The following MYH2 variants were observed in gnomAD, a reference collection of about 807,000 sequenced individuals.
MYH2 encodes myosin heavy chain 2.
A neutral mutation model predicts 228.1 loss-of-function variants in MYH2; 139 were observed. The observed-to-expected ratio is 0.61, with a 90% CI of 0.53 to 0.70. The LOEUF is 0.70. Among genes scored for constraint, MYH2 ranks in the 30% least tolerant of loss-of-function variants. The pLI, the probability that MYH2 is intolerant of heterozygous loss-of-function variation, is 0.00. For synonymous variants in MYH2, 796 were observed against 871.1 expected (o/e 0.91, Z 1.52); for missense variants, 1,809 against 2,357.5 (o/e 0.77, Z 4.82).
Position 10,537,964 on chromosome 17 carries a change from A to G in MYH2, c.1417-129T>C. 6.7e-7 allele frequency: 1 copy of G among 1,495,806 alleles called. No homozygotes were observed. The highest frequency in any genetic ancestry group is 2.0e-5 in the Admixed American group (1 of 50,030). 92.7% of individuals were successfully genotyped at this position (1,495,806 alleles called of 1,614,324 possible). A position where few individuals can be genotyped will look rare whatever the true frequency, so the allele number is the denominator to read the frequency against. On this transcript the variant is annotated intron_variant, in intron 14 of 39. Coordinates refer to ENST00000245503, the MANE Select transcript of MYH2 (RefSeq NM_017534.6). This position sits in a 1 kb window ranked among gnomAD's most constrained non-coding sequence, Gnocchi z 4.0. Reference sequence around the variant, plus strand: ...ACAGATATTAAAATCACTGGGTTAAAGAGACTTTGAAATAAAAGGTGAAAA... The same window carrying G: ...ACAGATATTAAAATCACTGGGTTAAGGAGACTTTGAAATAAAAGGTGAAAA...
chr17:10,547,736 A>T lies in MYH2; in HGVS notation c.185T>A (p.Val62Glu). 6.2e-7 allele frequency: 1 copy of T among 1,614,216 alleles called. No individual in the cohort carries two copies. The highest frequency in any genetic ancestry group is 8.5e-7 in the Non-Finnish European group (1 of 1,180,038). Residue 62 changes from valine (V) to glutamate (E), a missense_variant, in exon 3 of 40, where the codon GTG (valine) becomes GAG (glutamate). Physicochemically the swap from Val to Glu is moderately radical, Grantham distance 121 (BLOSUM62 -2). Coordinates refer to ENST00000245503, the MANE Select transcript of MYH2 (RefSeq NM_017534.6). ...IQSREGGKVT[V>E]KTEGGATLTV... is the part of the protein sequence containing the mutation. ...ACTCACCGCTCCTCCCTCAGTCTTC[A>T]CCGTCACTTTTCCTCCTTCTCTGCT...
chr17:10,523,252 G>A, intron 38 of MYH2, 56 bp downstream of exon 38: 3 of 1,604,704 alleles, frequency 1.9e-6, no homozygotes, highest in Non-Finnish European at 2.6e-6. Flanking sequence ...CATTGCATAT[G>A]AGTATTTCAC....
intron 2 of MYH2, 76 bp from the exon 3 acceptor site, chr17:10,548,016 T>C (rs2073657426): frequency 7.8e-6 from 10 of 1,280,650 alleles, no homozygotes; most frequent in Non-Finnish European, 9.9e-6. Context: ...TTTATTGTAT[T>C]TCATAGGCCC....
Position 10,547,959 on chromosome 17 carries a change from T to A in MYH2, c.-20-19A>T. The A allele has an allele frequency of 6.3e-7, 1 of 1,598,792 alleles. No homozygotes were observed. The highest frequency in any genetic ancestry group is 8.6e-7 in the Non-Finnish European group (1 of 1,167,074). ...AGAGGTCCTAAAGGAGATAAAACTT[T>A]CACATTAGAGAGTCTGGATTGCCAT... On this transcript the variant is annotated intron_variant, in intron 2 of 39. Coordinates refer to ENST00000245503, the MANE Select transcript of MYH2 (RefSeq NM_017534.6).
intron 39 of MYH2, among the ~76,000 whole-genome samples, 166 bp from the exon 40 acceptor site, chr17:10,521,598 T>C (rs182543833): frequency 0.013 from 1,980 of 151,126 alleles, 47 homozygotes; most frequent in African/African-American, 0.046. Flanking sequence ...TATATATATA[T>C]ATACACACAC....
rs200093587 is a variant in MYH2, at chr17:10,542,981, G to A, written c.806-8C>T. 1.9e-6 allele frequency: 3 copies of A among 1,606,348 alleles called. No individual in the cohort carries two copies. The highest frequency in any genetic ancestry group is 2.6e-6 in the Non-Finnish European group (3 of 1,173,340). On this transcript the variant is annotated splice_polypyrimidine_tract_variant and splice_region_variant and intron_variant, in intron 9 of 39. Coordinates refer to ENST00000245503, the MANE Select transcript of MYH2 (RefSeq NM_017534.6). ...TAGACTTCTCTAGCAGATCTGGAAG[G>A]AAACAAATAACACATAAGAAAATTG...
At chr17:10,526,215 C>G (rs1038668374) in intron 30 of MYH2, among the ~76,000 whole-genome samples, 14 of 152,038 alleles carry the variant, frequency 9.2e-5, no homozygotes, top group African/African-American at 3.1e-4. Flanking sequence ...CAGTGAAGGC[C>G]TCCATGAAGA....
intron 10 of MYH2, among the ~76,000 whole-genome samples, chr17:10,542,137 G>A (rs1203106300): frequency 6.6e-6 from 1 of 152,156 alleles, no homozygotes; most frequent in Non-Finnish European, 1.5e-5. Context: ...GCCAGGCATG[G>A]TGGCGCATGC....
At position 10,521,243 on chromosome 17, in the gene MYH2, TG is replaced by T; in HGVS notation, c.*36del. On this transcript the variant is annotated 3_prime_UTR_variant, in exon 40 of 40. Transcript: ENST00000245503. ...AAATGACCAAAGATGTCACATTTTG[TG>T]CCTGTCTTCAGTCATTCCATGGCAT... 1 of 1,609,942 alleles carries T rather than the reference TG, an allele frequency of 6.2e-7. No homozygotes were observed. The highest frequency in any genetic ancestry group is 1.7e-5 in the Admixed American group (1 of 60,010).
Position 10,542,957 on chromosome 17 carries a change from A to T in MYH2, c.822T>A (p.Ser274=), listed in dbSNP as rs1271141470. The T allele has an allele frequency of 6.2e-7, 1 of 1,612,064 alleles. No homozygotes were observed. The highest frequency in any genetic ancestry group is 1.3e-5 in the African/African-American group (1 of 75,000). The change falls in exon 10 of 40, where the codon TCT becomes TCA. Residue 274 remains serine, a synonymous_variant. Transcript: ENST00000245503. ...CAGCCTTAAGCTGGAAAACAACTCTAGACTTCTCTAGCAGATCTGGAAGGA... is the reference window on the plus strand; with the variant it reads ...CAGCCTTAAGCTGGAAAACAACTCTTGACTTCTCTAGCAGATCTGGAAGGA... ...ADIETYLLEK[S]RVVFQLKAER... is the part of the protein sequence containing the mutation.
intron 39 of MYH2, among the ~76,000 whole-genome samples, chr17:10,522,109 T>C (rs1014493560): frequency 6.6e-6 from 1 of 152,230 alleles, no homozygotes. Context: ...ATGAGGGTTA[T>C]GTGAGCTTCT....
In MYH2 at chr17:10,528,918, C is replaced by G; in HGVS notation, c.3516G>C (p.Lys1172Asn). The G allele has an allele frequency of 6.2e-7, 1 of 1,614,220 alleles. No individual in the cohort carries two copies. Among genetic ancestry groups the G allele is most frequent in the Non-Finnish European group, 8.5e-7 (1 of 1,180,054 alleles). The stretch of plus-strand genomic sequence containing the variant: ...GCATTTTCTGGAACTCAGCCTCCCG[C>G]TTCTTGTTCATCTCAATCTGGGCTG... ...ATSAQIEMNKKREAEFQKMRR... is the reference protein window; with the variant it reads ...ATSAQIEMNKNREAEFQKMRR... The change falls in exon 27 of 40, where the codon AAG becomes AAC. Residue 1172 changes from lysine (K) to asparagine (N), a missense_variant. Coordinates refer to ENST00000245503, the MANE Select transcript of MYH2 (RefSeq NM_017534.6).
chr17:10,521,216 G>A lies in MYH2; in HGVS notation c.*64C>T, dbSNP rs1450119266. The A allele has an allele frequency of 6.3e-7, 1 of 1,576,258 alleles. No homozygotes were observed. Among genetic ancestry groups the A allele is most frequent in the Admixed American group, 1.7e-5 (1 of 59,956 alleles). ...GGTAGAATACACAATAATTACAGAG[G>A]GAAATGACCAAAGATGTCACATTTT... is the stretch of plus-strand genomic sequence containing the variant. On this transcript the variant is annotated 3_prime_UTR_variant, in exon 40 of 40. Transcript: ENST00000245503.
intron 39 of MYH2, 95 bp from the exon 40 acceptor site, chr17:10,521,527 G>T: frequency 8.5e-7 from 1 of 1,175,614 alleles, no homozygotes; most frequent in Non-Finnish European, 1.3e-6. Context: ...CTATGGAGAA[G>T]CAACATCTAG....
rs1327908916 is a variant in MYH2, at chr17:10,526,760, G to A, written c.4026C>T (p.Ser1342=). The change falls in exon 30 of 40, where the codon TCC becomes TCT. Residue 1342 remains serine, a synonymous_variant. Transcript: ENST00000245503. Reference sequence around the variant, plus strand: ...CCCGCAGCAGGTCACAGTCGTGGCGGGAAGACTGCAGGGCATGCGCCAGGG... The same window carrying A: ...CCCGCAGCAGGTCACAGTCGTGGCGAGAAGACTGCAGGGCATGCGCCAGGG... ...KNALAHALQS[S]RHDCDLLREQ... is the part of the protein sequence containing the mutation. 1 of 1,614,222 alleles carries A rather than the reference G, an allele frequency of 6.2e-7. No individual in the cohort carries two copies. Among genetic ancestry groups the A allele is most frequent in the Non-Finnish European group, 8.5e-7 (1 of 1,180,032 alleles).
At chr17:10,541,054 G>A (rs1305138083) in intron 10 of MYH2, among the ~76,000 whole-genome samples, 2 of 152,098 alleles carry the variant, frequency 1.3e-5, no homozygotes, top group Admixed American at 1.3e-4. Flanking sequence ...GAGGATGAAT[G>A]TTGCCTCAGG....
At chr17:10,545,835 T>C (rs2073622212) in intron 4 of MYH2, among the ~76,000 whole-genome samples, 1 of 152,162 alleles carries the variant, frequency 6.6e-6, no homozygotes. Flanking sequence ...GTGAGTACTC[T>C]TATTTCTTCA....
Position 10,523,665 on chromosome 17 carries a change from G to C in MYH2, c.5303C>G (p.Ala1768Gly), listed in dbSNP as rs151021565. Residue 1768 changes from alanine (A) to glycine (G), a missense_variant and splice_region_variant, in exon 37 of 40, where the codon GCC (alanine) becomes GGC (glycine). Physicochemically the swap from Ala to Gly is moderately conservative, Grantham distance 60. Transcript: ENST00000245503. ...EEKAKKAITD[A>G]AMMAEELKKE... ...CTTCAGCTCCTCAGCCATCATGGCG[G>C]CCTAAATAGCAAATAAATCAAGAAA... 40 of 1,614,092 alleles carry C rather than the reference G, an allele frequency of 2.5e-5. No individual in the cohort carries two copies. The highest frequency in any genetic ancestry group is 3.3e-5 in the Non-Finnish European group (39 of 1,180,058).
rs9891328 is a variant in MYH2, at chr17:10,533,926, G to C, written c.2181-294C>G. ...GTGCCTAACCAATAAAATGTAATCT[G>C]TTATCTTTACTAGATGCATTTGCTT... is the stretch of plus-strand genomic sequence containing the variant. On this transcript the variant is annotated intron_variant, in intron 19 of 39. Transcript: ENST00000245503. Among the ~76,000 whole-genome samples the C allele has an allele frequency of 5.2e-3, 789 of 152,256 alleles. 9 individuals carry two copies. The highest frequency in any genetic ancestry group is 0.018 in the African/African-American group (756 of 41,540).
Sources: gnomAD v4.1 joint callset for allele counts (sites outside exome capture counted in the v4.1 genomes callset) on GRCh38, gnomAD v4.1.1 for gene constraint, Gnocchi (gnomAD v3.1) non-coding constraint, MANE v1.5 for transcripts, NCBI Gene and HGNC (gene_info 2026-07-23, HGNC 2026-07-21) for gene names.